PROM1: variants seen among roughly 807,000 people sequenced by gnomAD.
PROM1 encodes the protein prominin-1.
PROM1 carries 105 observed loss-of-function variants against 116.9 expected under a neutral mutation model. The ratio of observed to expected loss-of-function variants is 0.90; its 90% CI spans 0.77 to 1.06. PROM1 has a LOEUF of 1.06. Ranked by LOEUF, PROM1 falls within the 50% of genes least tolerant of loss-of-function variation. PROM1 has a pLI of 0.00. For synonymous variants in PROM1, 393 were observed against 387.0 expected (o/e 1.02, Z -0.18); for missense variants, 1,122 against 1,045.2 (o/e 1.07, Z -1.01).
chr4:16,041,747 C>CAAATAAAT (rs777799271), intron 2 of PROM1, among the ~76,000 whole-genome samples: 5 of 82,088 alleles, frequency 6.1e-5, no homozygotes, highest in South Asian at 1.0e-3. Context: ...GACCCTGCCT[C>CAAATAAAT]AAATAAATAA....
At chr4:16,030,576 C>T (rs569945932) in intron 5 of PROM1, among the ~76,000 whole-genome samples, 1 of 152,170 alleles carries the variant, frequency 6.6e-6, no homozygotes, top group East Asian at 1.9e-4. Flanking sequence ...AAAACGGTAG[C>T]TTTCATTTTA....
chr4:16,078,512 ATG>A (rs1744412770), intron 1 of PROM1, among the ~76,000 whole-genome samples: 1 of 152,236 alleles, frequency 6.6e-6, no homozygotes, highest in Non-Finnish European at 1.5e-5. Flanking sequence ...GTGCGGTTTC[ATG>A]AGACTAGGCA....
Position 15,989,772 on chromosome 4 carries a change from G to GTT in PROM1, c.2034_2035dup (p.Thr679LysfsTer11). 1 of 1,609,924 alleles carries GTT rather than the reference G, an allele frequency of 6.2e-7. No homozygotes were observed. The highest frequency in any genetic ancestry group is 8.5e-7 in the Non-Finnish European group (1 of 1,177,712). ...AGGAAGGACTCGTTGCTGGTGAATT[G>GTT]TTTTAATAGTTTGTGCATCTCTTTT... On this transcript the variant is annotated frameshift_variant, in exon 19 of 28. Coordinates refer to ENST00000447510, the MANE Select transcript of PROM1 (RefSeq NM_006017.3). LOFTEE classifies it high-confidence loss of function.
chr4:15,989,739 T>C lies in PROM1; in HGVS notation c.2069A>G (p.Gln690Arg). ...TACGTCGTTGACTGTTACCAGTGAT[T>C]GTTCTATAGGAAGGACTCGTTGCTG... ...IHQQRVLPIE[Q>R]SLSTLYQSVK... Residue 690 changes from glutamine to arginine, a missense_variant, in exon 19 of 28, where the codon CAA (glutamine) becomes CGA (arginine). Gln to Arg is a conservative substitution (Grantham distance 43). Transcript: ENST00000447510. The C allele has an allele frequency of 6.2e-7, 1 of 1,600,394 alleles. No individual in the cohort carries two copies. The highest frequency in any genetic ancestry group is 1.1e-5 in the South Asian group (1 of 89,108).
intron 2 of PROM1, among the ~76,000 whole-genome samples, chr4:16,045,174 G>A (rs978036621): frequency 4.6e-5 from 7 of 152,034 alleles, no homozygotes; most frequent in African/African-American, 1.2e-4. Context: ...CCCACAGCCC[G>A]ACTCTATTCC....
chr4:15,996,977 G>A (rs548492261), intron 15 of PROM1, among the ~76,000 whole-genome samples: 17 of 151,840 alleles, frequency 1.1e-4, no homozygotes, highest in African/African-American at 2.2e-4. Context: ...CACATCCTCC[G>A]GCCCTTCGGT....
chr4:16,017,406 T>C (rs1203545377), intron 9 of PROM1, among the ~76,000 whole-genome samples: 1 of 152,200 alleles, frequency 6.6e-6, no homozygotes, highest in African/African-American at 2.4e-5. Flanking sequence ...AAAAAACTGT[T>C]CAATCAAAAA....
chr4:15,973,670 T>C (rs936876173), intron 26 of PROM1, among the ~76,000 whole-genome samples: 1 of 152,224 alleles, frequency 6.6e-6, no homozygotes, highest in South Asian at 2.1e-4. Flanking sequence ...TTTGTTCCCC[T>C]TTCTGCCAAT....
Position 15,998,480 on chromosome 4 carries a change from A to G in PROM1, c.1587T>C (p.Asp529=). The change falls in exon 15 of 28, where the codon GAT becomes GAC. Residue 529 remains aspartate (D), a synonymous_variant. Coordinates refer to ENST00000447510, the MANE Select transcript of PROM1 (RefSeq NM_006017.3). Reference sequence around the variant, plus strand: ...AGTCTTCATTTAGTAAGTAGGGTGTATCCAAAACCTAGAACACATTAGGAA... The same window carrying G: ...AGTCTTCATTTAGTAAGTAGGGTGTGTCCAAAACCTAGAACACATTAGGAA... ...YTSKELFRVL[D]TPYLLNEDWE... 1 of 1,607,956 alleles carries G rather than the reference A, an allele frequency of 6.2e-7. No homozygotes were observed. The highest frequency in any genetic ancestry group is 8.5e-7 in the Non-Finnish European group (1 of 1,178,054).
intron 2 of PROM1, among the ~76,000 whole-genome samples, chr4:16,047,591 G>A (rs143969131): frequency 1.5e-4 from 23 of 152,208 alleles, no homozygotes; most frequent in South Asian, 4.2e-4. Context: ...AATTAGTTTC[G>A]TTAAACTAGT....
Position 15,980,535 on chromosome 4 carries a change from A to T in PROM1, c.2376T>A (p.Asn792Lys). 1 of 1,506,354 alleles carries T rather than the reference A, an allele frequency of 6.6e-7. No homozygotes were observed. Among genetic ancestry groups the T allele is most frequent in the Non-Finnish European group, 8.9e-7 (1 of 1,117,334 alleles). The allele number at this position is 1,506,354 out of a possible 1,614,324, so 93.3% of individuals were successfully genotyped here. A position where few individuals can be genotyped will look rare whatever the true frequency, so the allele number is the denominator to read the frequency against. Residue 792 changes from asparagine to lysine, a missense_variant and splice_region_variant, in exon 24 of 28, where the codon AAT becomes AAA. Transcript: ENST00000447510. ...FLCSYIIDPL[N>K]LFWFGIGKAT... ...CTTTTCCTATGCCAAACCAAAACAA[A>T]TTCTAGGAAAAAAAAATCAGAAGAA... is the stretch of plus-strand genomic sequence containing the variant.
At chr4:15,986,144 C>T in intron 20 of PROM1, 107 bp from the exon 21 acceptor site, 2 of 743,662 alleles carry the variant, frequency 2.7e-6, no homozygotes, top group Middle Eastern at 2.4e-4. Flanking sequence ...AACACCACGA[C>T]CTGGACCTGC....
chr4:16,032,931 T>G (rs1287515447), intron 5 of PROM1, among the ~76,000 whole-genome samples: 2 of 152,238 alleles, frequency 1.3e-5, no homozygotes, highest in Non-Finnish European at 2.9e-5. Flanking sequence ...GCAAATCAAC[T>G]TGCAGATCCA....
intron 22 of PROM1, 80 bp from the exon 23 acceptor site, chr4:15,984,435 ACTTGGTGT>A: frequency 9.7e-7 from 1 of 1,033,412 alleles, no homozygotes; most frequent in Admixed American, 3.0e-5. Context: ...TTTACTTTTG[ACTTGGTGT>A]CACAAAAAGG....
chr4:15,988,154 G>T (rs1361094355), intron 19 of PROM1, among the ~76,000 whole-genome samples: 1 of 152,174 alleles, frequency 6.6e-6, no homozygotes, highest in Non-Finnish European at 1.5e-5. Context: ...GGGATTACAG[G>T]TGTGAGCCAC....
chr4:16,071,292 C>T (rs1002354730), intron 2 of PROM1, among the ~76,000 whole-genome samples: 4 of 152,192 alleles, frequency 2.6e-5, no homozygotes, highest in Admixed American at 2.6e-4. Context: ...GCTTGTCCAA[C>T]AAATGAAACC....
At chr4:15,995,606 T>C (rs2149146663) in intron 15 of PROM1, among the ~76,000 whole-genome samples, 1 of 152,256 alleles carries the variant, frequency 6.6e-6, no homozygotes, top group Middle Eastern at 3.4e-3. Flanking sequence ...AAAGTGGTAG[T>C]GGGATTTTTA....
chr4:15,986,960 C>A (rs1719577423), intron 20 of PROM1, among the ~76,000 whole-genome samples: 1 of 152,232 alleles, frequency 6.6e-6, no homozygotes, highest in African/African-American at 2.4e-5. Context: ...ACAACCCAGC[C>A]TTGCAGCTCT....
rs1244471186 is a variant in PROM1 at position 16,084,019 on chromosome 4, G to A, written c.-254C>T. On this transcript the variant is annotated 5_prime_UTR_variant, in exon 1 of 28. Coordinates refer to ENST00000447510, the MANE Select transcript of PROM1 (RefSeq NM_006017.3). ...AGAGCATGGCCAGGTGCCGCGTGGG[G>A]ATCTGCCTCAGTCACTTAAAGATCG... The A allele has an allele frequency of 6.6e-6, 1 of 152,318 alleles. No individual in the cohort carries two copies. The highest frequency in any genetic ancestry group is 1.5e-5 in the Non-Finnish European group (1 of 68,134). The allele number at this position is 152,318 out of a possible 1,614,324, so 9.4% of individuals were successfully genotyped here.
Sources: allele counts gnomAD v4.1 joint callset (sites outside exome capture counted in the v4.1 genomes callset), GRCh38; gene constraint gnomAD v4.1.1; transcripts MANE v1.5; gene names NCBI Gene and HGNC (gene_info 2026-07-23, HGNC 2026-07-21).